The following MDGA2 variants were observed in gnomAD, a reference collection of about 807,000 sequenced individuals.
MDGA2 encodes the protein MAM domain containing glycosylphosphatidylinositol anchor 2.
Under a neutral mutation model 117.8 loss-of-function variants are expected in MDGA2, and 40 were observed. That is an observed-to-expected ratio of 0.34 (90% CI 0.26 to 0.44). MDGA2 has a LOEUF of 0.44. Among genes scored for constraint, MDGA2 ranks in the 20% least tolerant of loss-of-function variants. The probability of loss-of-function intolerance (pLI) is 1.00; values close to 1 mark genes in which losing one functional copy is unlikely to be tolerated. For synonymous variants in MDGA2, 452 were observed against 439.0 expected (o/e 1.03, Z -0.37); for missense variants, 1,123 against 1,250.6 (o/e 0.90, Z 1.54).
chr14:46,943,756 T>C (rs1198348057), intron 9 of MDGA2, among the ~76,000 whole-genome samples: 1 of 152,098 alleles, frequency 6.6e-6, no homozygotes, highest in East Asian at 1.9e-4. Context: ...AATGTTGTTA[T>C]TTTTTCTTCA....
chr14:46,942,369 A>G (rs1216703872), intron 9 of MDGA2, among the ~76,000 whole-genome samples: 1 of 152,180 alleles, frequency 6.6e-6, no homozygotes, highest in East Asian at 1.9e-4. Context: ...TACCTTAGCT[A>G]GCAGATGTTT....
chr14:46,976,197 A>G (rs778608226), intron 8 of MDGA2, among the ~76,000 whole-genome samples: 2 of 152,178 alleles, frequency 1.3e-5, no homozygotes, highest in Non-Finnish European at 2.9e-5. Context: ...GCTTAAAAAT[A>G]TTTGAGATGG....
intron 6 of MDGA2, among the ~76,000 whole-genome samples, chr14:47,084,521 T>A (rs896305458): frequency 6.7e-6 from 1 of 150,204 alleles, no homozygotes; most frequent in African/African-American, 2.4e-5. Flanking sequence ...AAAACTGACA[T>A]GCTGAGTAAT....
chr14:47,436,552 C>A (rs1366739595), intron 1 of MDGA2, among the ~76,000 whole-genome samples: 3 of 151,976 alleles, frequency 2.0e-5, no homozygotes, highest in African/African-American at 4.8e-5. Context: ...CTTTATAATA[C>A]CCAGGCTTTT....
At chr14:47,404,870 T>A (rs1892229052) in intron 1 of MDGA2, among the ~76,000 whole-genome samples, 1 of 152,166 alleles carries the variant, frequency 6.6e-6, no homozygotes, top group South Asian at 2.1e-4. Flanking sequence ...GACAGATATC[T>A]TTTAAGTATT....
At chr14:47,340,995 T>G (rs1890604725) in intron 1 of MDGA2, among the ~76,000 whole-genome samples, 1 of 152,144 alleles carries the variant, frequency 6.6e-6, no homozygotes, top group South Asian at 2.1e-4. Context: ...TGATGATTGG[T>G]CCCACCCTCT....
Position 46,864,982 on chromosome 14 carries a change from C to G in MDGA2, c.2752+8451G>C, listed in dbSNP as rs372088057. On this transcript the variant is annotated intron_variant, in intron 14 of 16. Transcript: ENST00000399232. ...AGGCTTTAAAATAATGGCTCCTTAT[C>G]TTAACATTCTTTCTCATATGGCGTT... is the stretch of plus-strand genomic sequence containing the variant. 4.6e-5 allele frequency among the ~76,000 whole-genome samples: 7 copies of G among 151,886 alleles called. No homozygotes were observed. The South Asian group carries it at 8.3e-4, about 18-fold the overall frequency.
chr14:46,873,353 T>A (rs966065526), intron 14 of MDGA2, 80 bp downstream of exon 14: 2 of 1,309,792 alleles, frequency 1.5e-6, no homozygotes, highest in African/African-American at 3.0e-5. Flanking sequence ...CAAAAATTGT[T>A]TTAATGCTGT....
chr14:47,147,955 CA>C (rs767188517), intron 3 of MDGA2, among the ~76,000 whole-genome samples: 9 of 152,074 alleles, frequency 5.9e-5, no homozygotes, highest in Non-Finnish European at 1.2e-4. Context: ...CTTCTCAAAC[CA>C]AGGCTGATGT....
intron 1 of MDGA2, among the ~76,000 whole-genome samples, chr14:47,445,132 C>T (rs1893094761): frequency 6.6e-6 from 1 of 152,046 alleles, no homozygotes; most frequent in African/African-American, 2.4e-5. Context: ...AAAGTAAGAA[C>T]AGAAAACACT....
chr14:47,512,094 C>T (rs1386081107), intron 1 of MDGA2, among the ~76,000 whole-genome samples: 2 of 152,092 alleles, frequency 1.3e-5, no homozygotes, highest in Non-Finnish European at 1.5e-5. Flanking sequence ...TCTCATGGGG[C>T]ACCATGAGAA....
intron 6 of MDGA2, among the ~76,000 whole-genome samples, chr14:47,090,651 T>C (rs1365482542): frequency 6.6e-6 from 1 of 152,180 alleles, no homozygotes; most frequent in South Asian, 2.1e-4. Flanking sequence ...ATTGTGTCAC[T>C]GCACTGAAGA....
chr14:47,351,328 G>A (rs950642180), intron 1 of MDGA2, among the ~76,000 whole-genome samples: 20 of 151,922 alleles, frequency 1.3e-4, no homozygotes, highest in Admixed American at 4.6e-4. Context: ...GTGATCTGCC[G>A]GCCTCAGCCG....
intron 1 of MDGA2, among the ~76,000 whole-genome samples, chr14:47,473,678 A>C (rs1457817983): frequency 6.6e-6 from 1 of 152,100 alleles, no homozygotes; most frequent in Non-Finnish European, 1.5e-5. Context: ...ACTCCAATAA[A>C]AAAAGAATAA....
chr14:47,627,475 T>A (rs984260999), intron 1 of MDGA2, among the ~76,000 whole-genome samples: 2 of 152,328 alleles, frequency 1.3e-5, no homozygotes, highest in South Asian at 4.1e-4. Flanking sequence ...AATCGCACTC[T>A]GTGTCTAGCT....
At chr14:47,467,723 AGTT>A (rs1893633223) in intron 1 of MDGA2, among the ~76,000 whole-genome samples, 1 of 152,126 alleles carries the variant, frequency 6.6e-6, no homozygotes, top group Admixed American at 6.6e-5. Context: ...GGATAAATGA[AGTT>A]GTTCTGATGA....
At chr14:46,981,562 T>C (rs1210516263) in intron 8 of MDGA2, among the ~76,000 whole-genome samples, 2 of 152,182 alleles carry the variant, frequency 1.3e-5, no homozygotes. Context: ...CGTAAATATA[T>C]GAACCTTTAA....
chr14:46,982,332 G>T (rs1242309658), intron 8 of MDGA2, among the ~76,000 whole-genome samples: 2 of 151,874 alleles, frequency 1.3e-5, no homozygotes, highest in Non-Finnish European at 2.9e-5. Context: ...TTATTAAAAT[G>T]GTATATATTA....
At chr14:47,337,813 T>C (rs1038422958) in intron 1 of MDGA2, among the ~76,000 whole-genome samples, 1 of 152,080 alleles carries the variant, frequency 6.6e-6, no homozygotes, top group Admixed American at 6.6e-5. Context: ...AGACTGTGTA[T>C]GTTAATGTAT....
Sources: allele counts gnomAD v4.1 joint callset (sites outside exome capture counted in the v4.1 genomes callset), GRCh38; gene constraint gnomAD v4.1.1; transcripts MANE v1.5; gene names NCBI Gene and HGNC (gene_info 2026-07-23, HGNC 2026-07-21).